The following ZNF385A variants were observed in gnomAD, a reference collection of about 807,000 sequenced individuals.
ZNF385A encodes zinc finger protein 385A, also known as hematopoietic zinc finger protein.
ZNF385A carries 14 observed loss-of-function variants against 32.1 expected under a neutral mutation model. The observed-to-expected ratio is 0.44, with a 90% CI of 0.29 to 0.68. ZNF385A has a LOEUF of 0.68. ZNF385A is among the 30% of genes least tolerant of loss of function. The pLI, the probability that ZNF385A is intolerant of heterozygous loss-of-function variation, is 0.14. For synonymous variants in ZNF385A, 197 were observed against 202.7 expected, an observed-to-expected ratio of 0.97 and a Z score of 0.24; for missense variants, 406 against 478.4, an observed-to-expected ratio of 0.85 and a Z score of 1.41.
chr12:54,379,112 C>T (rs1446573587), intron 1 of ZNF385A: 2 of 981,688 alleles, frequency 2.0e-6, no homozygotes, highest in Non-Finnish European at 2.4e-6. Context: ...GGGTGGCGGA[C>T]CCGGGCTGGG....
chr12:54,388,220 T>G (rs193113253), upstream of ZNF385A, among the ~76,000 whole-genome samples: 536 of 152,286 alleles, frequency 3.5e-3, 2 homozygotes, highest in African/African-American at 0.013. Context: ...AATGCTTTAT[T>G]AAAGAAAGCT....
chr12:54,389,593 C>T (rs1483117922), upstream of ZNF385A, among the ~76,000 whole-genome samples: 2 of 152,196 alleles, frequency 1.3e-5, no homozygotes, highest in African/African-American at 4.8e-5. Context: ...CAAGCAGGTC[C>T]TTGATGTCCT....
chr12:54,380,958 G>A (rs1955130497), intron 1 of ZNF385A, among the ~76,000 whole-genome samples: 1 of 152,108 alleles, frequency 6.6e-6, no homozygotes, highest in Non-Finnish European at 1.5e-5. Context: ...AGCACTTTGG[G>A]AGGCTGAGTC....
intron 1 of ZNF385A, chr12:54,391,154 G>T (rs1955630112): frequency 2.8e-6 from 4 of 1,420,108 alleles, no homozygotes; most frequent in South Asian, 2.7e-5. Context: ...CGCGGTGCCG[G>T]GAGATGGTGG....
chr12:54,375,743 C>T (rs1288320826), intron 2 of ZNF385A, 101 bp downstream of exon 2: 2 of 1,000,138 alleles, frequency 2.0e-6, no homozygotes, highest in Non-Finnish European at 3.1e-6. Flanking sequence ...ATCCCTGCCC[C>T]TCAACCAGAG....
At chr12:54,379,383 G>A (rs779401174) in intron 1 of ZNF385A, among the ~76,000 whole-genome samples, 17 of 152,038 alleles carry the variant, frequency 1.1e-4, no homozygotes, top group Non-Finnish European at 4.4e-5. Context: ...AGCTTGTTCT[G>A]AAGAGAAGGA....
intron 2 of ZNF385A, among the ~76,000 whole-genome samples, chr12:54,375,110 G>C (rs1236525865): frequency 6.6e-6 from 1 of 152,054 alleles, no homozygotes; most frequent in Non-Finnish European, 1.5e-5. Flanking sequence ...TAGAGAAACA[G>C]AACATGCTTT....
upstream of ZNF385A, among the ~76,000 whole-genome samples, chr12:54,388,967 C>T (rs900684819): frequency 6.6e-6 from 1 of 152,202 alleles, no homozygotes; most frequent in Non-Finnish European, 1.5e-5. Flanking sequence ...ACTCAAAACA[C>T]CATGCCTAAT....
chr12:54,383,073 A>G (rs1955283836), intron 1 of ZNF385A, among the ~76,000 whole-genome samples: 1 of 152,016 alleles, frequency 6.6e-6, no homozygotes, highest in Admixed American at 6.6e-5. Flanking sequence ...GAGGCAGGAG[A>G]ATGGCTTGAA....
upstream of ZNF385A, among the ~76,000 whole-genome samples, chr12:54,385,472 TCTGCGACC>T (rs1199727931): frequency 6.6e-6 from 1 of 152,114 alleles, no homozygotes; most frequent in Non-Finnish European, 1.5e-5. Context: ...CCAGCTCCCT[TCTGCGACC>T]CTGCTGTGCA....
intron 1 of ZNF385A, 37 bp from the exon 2 acceptor site, chr12:54,375,991 C>T (rs780146658): frequency 1.4e-5 from 21 of 1,543,938 alleles, no homozygotes; most frequent in Middle Eastern, 1.8e-4. Flanking sequence ...GGAACCCTAG[C>T]GCAACTCATG....
chr12:54,379,244 G>T (rs112040234), intron 1 of ZNF385A: 3 of 977,240 alleles, frequency 3.1e-6, no homozygotes, highest in East Asian at 1.2e-4. Context: ...GCCGGAGCCC[G>T]CCCCGGAGGC....
rs1477816512 is a variant in ZNF385A at position 54,370,496 on chromosome 12, G to A, written c.871-10C>T. 5 of 1,551,010 alleles carry A rather than the reference G, an allele frequency of 3.2e-6. No individual in the cohort carries two copies. In the South Asian group the frequency reaches 5.9e-5, roughly 18 times the overall value. ...AGAAAGTCAGCGTGCCCTGAAGCGG[G>A]CGAAAGGCGGAGGAAGAGAAGTCAC... On this transcript the variant is annotated splice_polypyrimidine_tract_variant and intron_variant, in intron 6 of 6. Coordinates refer to ENST00000394313, the MANE Select transcript of ZNF385A (RefSeq NM_015481.3). The surrounding 1 kb of genome is among the most constrained non-coding windows in gnomAD (Gnocchi z 5.5).
chr12:54,376,058 T>G, intron 1 of ZNF385A, 104 bp from the exon 2 acceptor site: 1 of 813,262 alleles, frequency 1.2e-6, no homozygotes, highest in Non-Finnish European at 2.1e-6. Context: ...AGACCCCTTC[T>G]ATCCCTTAAT....
At chr12:54,388,068 T>C (rs898739237), upstream of ZNF385A, among the ~76,000 whole-genome samples, 1 of 151,670 alleles carries the variant, frequency 6.6e-6, no homozygotes, top group African/African-American at 2.4e-5. Context: ...TGTGTGTGTG[T>C]GTGTGTGTGT....
At chr12:54,376,914 GAGACTGA>G (rs1241355751) in intron 1 of ZNF385A, among the ~76,000 whole-genome samples, 1 of 152,226 alleles carries the variant, frequency 6.6e-6, no homozygotes, top group Admixed American at 6.5e-5. Context: ...GAATGCAGCT[GAGACTGA>G]AGATTGGGGG....
intron 3 of ZNF385A, among the ~76,000 whole-genome samples, chr12:54,372,666 T>G (rs1031821090): frequency 3.9e-5 from 6 of 152,188 alleles, no homozygotes; most frequent in African/African-American, 1.4e-4. Context: ...ATCATCATCA[T>G]CCTCTTCCTC....
upstream of ZNF385A, among the ~76,000 whole-genome samples, chr12:54,388,084 G>GTGT (rs1955542958): frequency 1.7e-5 from 2 of 115,806 alleles, no homozygotes; most frequent in Non-Finnish European, 3.8e-5. Context: ...TGTGTGTGTG[G>GTGT]CACCCATGTC....
chr12:54,386,928 A>C (rs73322212), upstream of ZNF385A, among the ~76,000 whole-genome samples: 517 of 152,392 alleles, frequency 3.4e-3, 2 homozygotes, highest in African/African-American at 0.012. Flanking sequence ...ATATTTTTCT[A>C]CTTGACTTAT....
Sources: gnomAD v4.1 joint callset for allele counts (sites outside exome capture counted in the v4.1 genomes callset) on GRCh38, gnomAD v4.1.1 for gene constraint, Gnocchi (gnomAD v3.1) non-coding constraint, MANE v1.5 for transcripts, NCBI Gene and HGNC (gene_info 2026-07-23, HGNC 2026-07-21) for gene names.